Variants in TTC17 observed in about 807,000 individuals in gnomAD.
The protein encoded by TTC17 is tetratricopeptide repeat protein 17.
A neutral mutation model predicts 143.8 loss-of-function variants in TTC17; 58 were observed. The ratio of observed to expected loss-of-function variants is 0.40; its 90% CI spans 0.33 to 0.50. The LOEUF (loss-of-function observed/expected upper bound fraction) is 0.50. TTC17 is among the 20% of genes least tolerant of loss of function. TTC17 has a pLI of 0.49. For missense variants in TTC17, 1,273 were observed against 1,392.5 expected, an observed-to-expected ratio of 0.91 and a Z score of 1.37; for synonymous variants, 501 against 497.8, an observed-to-expected ratio of 1.01 and a Z score of -0.09.
At chr11:43,415,101 C>A (rs914063349) in intron 16 of TTC17, among the ~76,000 whole-genome samples, 1 of 152,096 alleles carries the variant, frequency 6.6e-6, no homozygotes, top group African/African-American at 2.4e-5. Context: ...TAGTAAAGTA[C>A]ATTTTTTCTG....
chr11:43,437,969 T>A (rs1947329216), intron 16 of TTC17, among the ~76,000 whole-genome samples: 1 of 152,246 alleles, frequency 6.6e-6, no homozygotes. Flanking sequence ...AGAGAATGAT[T>A]TCCCTACCTA....
At chr11:43,433,762 T>G (rs1947214782) in intron 16 of TTC17, among the ~76,000 whole-genome samples, 1 of 152,070 alleles carries the variant, frequency 6.6e-6, no homozygotes, top group African/African-American at 2.4e-5. Flanking sequence ...AAACACAGAG[T>G]TTCACTGGGT....
At chr11:43,371,475 T>G (rs1160095730) in intron 1 of TTC17, among the ~76,000 whole-genome samples, 1 of 152,170 alleles carries the variant, frequency 6.6e-6, no homozygotes, top group Non-Finnish European at 1.5e-5. Flanking sequence ...AAGACACAGA[T>G]GAAGAGATGC....
At chr11:43,492,851 T>C (rs773685185) in intron 23 of TTC17, among the ~76,000 whole-genome samples, 1 of 152,250 alleles carries the variant, frequency 6.6e-6, no homozygotes, top group Non-Finnish European at 1.5e-5. Context: ...CTAAAAGCTG[T>C]CATAACCCAA....
At chr11:43,413,472 A>C (rs1178236586) in intron 15 of TTC17, among the ~76,000 whole-genome samples, 2 of 152,186 alleles carry the variant, frequency 1.3e-5, no homozygotes, top group Non-Finnish European at 2.9e-5. Flanking sequence ...AAAAAATGAT[A>C]AGCTGAACTT....
At chr11:43,455,886 GA>G (rs574778788) in intron 21 of TTC17, among the ~76,000 whole-genome samples, 1 of 151,758 alleles carries the variant, frequency 6.6e-6, no homozygotes, top group African/African-American at 2.4e-5. Context: ...CCCCAAATCT[GA>G]AAAAAATGAC....
At chr11:43,461,277 G>A (rs931696357) in intron 21 of TTC17, among the ~76,000 whole-genome samples, 3 of 151,552 alleles carry the variant, frequency 2.0e-5, no homozygotes, top group African/African-American at 7.3e-5. Context: ...CCGGCTACTC[G>A]GGAGGCTGAG....
At chr11:43,434,231 A>ACT (rs1302581191) in intron 16 of TTC17, among the ~76,000 whole-genome samples, 3 of 106,512 alleles carry the variant, frequency 2.8e-5, no homozygotes, top group African/African-American at 1.1e-4. Context: ...ACACACACAC[A>ACT]CTCTCATGGC....
intron 21 of TTC17, among the ~76,000 whole-genome samples, chr11:43,489,549 C>A (rs1206275831): frequency 1.3e-5 from 2 of 152,004 alleles, no homozygotes; most frequent in Non-Finnish European, 2.9e-5. Context: ...ACCAGCCTGG[C>A]CAACATGGTG....
intron 16 of TTC17, among the ~76,000 whole-genome samples, chr11:43,428,278 A>G (rs1005685159): frequency 6.6e-6 from 1 of 151,922 alleles, no homozygotes; most frequent in Non-Finnish European, 1.5e-5. Context: ...AAAGTTCCCT[A>G]GGCTGAAGTA....
At chr11:43,418,040 ATGTAT>A (rs1218016572) in intron 16 of TTC17, among the ~76,000 whole-genome samples, 1 of 152,228 alleles carries the variant, frequency 6.6e-6, no homozygotes, top group Non-Finnish European at 1.5e-5. Flanking sequence ...TATGCAGGTA[ATGTAT>A]TGTATCACTT....
chr11:43,383,008 T>A (rs1857030387), intron 2 of TTC17, among the ~76,000 whole-genome samples: 1 of 152,176 alleles, frequency 6.6e-6, no homozygotes, highest in Non-Finnish European at 1.5e-5. Context: ...CATGCTATCT[T>A]CCTGCCTCAG....
chr11:43,422,708 T>A (rs1946935334), intron 16 of TTC17, among the ~76,000 whole-genome samples: 1 of 152,210 alleles, frequency 6.6e-6, no homozygotes, highest in Non-Finnish European at 1.5e-5. Flanking sequence ...TTGAGCTGGA[T>A]GTGGGCAGAG....
chr11:43,430,749 A>AC (rs71035631), intron 16 of TTC17, among the ~76,000 whole-genome samples: 19 of 149,744 alleles, frequency 1.3e-4, no homozygotes, highest in East Asian at 7.9e-4. Flanking sequence ...ACACACACAC[A>AC]AAGTTGAAAT....
At chr11:43,481,107 CAAT>C (rs1948278542) in intron 21 of TTC17, among the ~76,000 whole-genome samples, 1 of 152,082 alleles carries the variant, frequency 6.6e-6, no homozygotes, top group Non-Finnish European at 1.5e-5. Flanking sequence ...TATTTCAAAA[CAAT>C]AATTATTAGG....
chr11:43,395,289 A>T (rs924247209), intron 5 of TTC17: 4 of 151,740 alleles, frequency 2.6e-5, no homozygotes, highest in Admixed American at 1.3e-4. Flanking sequence ...TTTAGTGGTG[A>T]TGGGGTTTCA....
intron 2 of TTC17, among the ~76,000 whole-genome samples, chr11:43,380,109 T>A (rs1856909882): frequency 6.6e-6 from 1 of 152,146 alleles, no homozygotes; most frequent in Admixed American, 6.5e-5. Flanking sequence ...TTAGAAGGAA[T>A]CATAAGATCA....
intron 22 of TTC17, chr11:43,491,808 G>A (rs1948478729): frequency 3.3e-6 from 2 of 608,894 alleles, no homozygotes; most frequent in Non-Finnish European, 2.9e-6. Flanking sequence ...TTCGAAGCAA[G>A]ACTTCGCCAA....
At chr11:43,397,305 A>C (rs774988021) in intron 6 of TTC17, 42 bp from the exon 7 acceptor site, 9 of 1,561,802 alleles carry the variant, frequency 5.8e-6, no homozygotes, top group Non-Finnish European at 6.9e-6. Context: ...TTCCTTGTCA[A>C]GTGGTTCTAC....
Sources: allele counts gnomAD v4.1 joint callset (sites outside exome capture counted in the v4.1 genomes callset), GRCh38; gene constraint gnomAD v4.1.1; transcripts MANE v1.5; gene names NCBI Gene and HGNC (gene_info 2026-07-23, HGNC 2026-07-21).